Variants in DIS3L2 observed in about 807,000 individuals in gnomAD.
DIS3L2 encodes the protein DIS3 like 3'-5' exoribonuclease 2.
In DIS3L2, 34 loss-of-function variants were observed where a neutral mutation model predicts 97.5. The ratio of observed to expected loss-of-function variants is 0.35; its 90% CI spans 0.27 to 0.46. The LOEUF (loss-of-function observed/expected upper bound fraction) is 0.46. DIS3L2 is among the 20% of genes least tolerant of loss of function. The probability of loss-of-function intolerance (pLI) is 1.00; values close to 1 mark genes in which losing one functional copy is unlikely to be tolerated. For synonymous variants in DIS3L2, 435 were observed against 445.2 expected, an observed-to-expected ratio of 0.98 and a Z score of 0.29; for missense variants, 1,038 against 1,146.0, an observed-to-expected ratio of 0.91 and a Z score of 1.36.
At chr2:232,030,186 C>T (rs914726887) in intron 5 of DIS3L2, 106 bp downstream of exon 5, 11 of 898,156 alleles carry the variant, frequency 1.2e-5, no homozygotes, top group Admixed American at 5.3e-5. Context: ...ACCCCTTAGG[C>T]GCTGTGATAA....
At chr2:232,175,887 A>AATCTTTT (rs1299358272) in intron 9 of DIS3L2, among the ~76,000 whole-genome samples, 2 of 151,858 alleles carry the variant, frequency 1.3e-5, no homozygotes, top group South Asian at 4.2e-4. Context: ...ATCTTCCTAG[A>AATCTTTT]ATTTTTTATT....
chr2:232,093,004 A>C (rs1251409117), intron 6 of DIS3L2, among the ~76,000 whole-genome samples: 1 of 152,108 alleles, frequency 6.6e-6, no homozygotes, highest in African/African-American at 2.4e-5. Flanking sequence ...TTCCCCATTC[A>C]GTTTGATATT....
At chr2:232,005,975 G>A (rs1354638359) in intron 1 of DIS3L2, among the ~76,000 whole-genome samples, 1 of 152,186 alleles carries the variant, frequency 6.6e-6, no homozygotes, top group East Asian at 1.9e-4. Flanking sequence ...ATCACCTGAG[G>A]TCAGGAGTTC....
intron 6 of DIS3L2, among the ~76,000 whole-genome samples, chr2:232,089,882 G>A (rs139723883): frequency 4.8e-4 from 73 of 152,230 alleles, no homozygotes; most frequent in African/African-American, 1.5e-3. Flanking sequence ...AGAGTTTTGC[G>A]AAACTCTGAT....
chr2:232,093,067 G>T (rs1696895348), intron 6 of DIS3L2, among the ~76,000 whole-genome samples: 1 of 152,076 alleles, frequency 6.6e-6, no homozygotes, highest in South Asian at 2.1e-4. Flanking sequence ...TGTTCCTTCT[G>T]TACCCAGTTT....
At chr2:232,221,997 T>G (rs1574954953) in intron 10 of DIS3L2, among the ~76,000 whole-genome samples, 1 of 150,636 alleles carries the variant, frequency 6.6e-6, no homozygotes, top group South Asian at 2.2e-4. Flanking sequence ...GGCTGGAGTG[T>G]GGTGGTGTGA....
At chr2:231,966,933 C>G (rs914386117) in intron 1 of DIS3L2, among the ~76,000 whole-genome samples, 2 of 152,046 alleles carry the variant, frequency 1.3e-5, no homozygotes, top group African/African-American at 4.8e-5. Flanking sequence ...ATAGCAAGAA[C>G]TTGATGCCTT....
At position 232,292,092 on chromosome 2, in the gene DIS3L2, GC is replaced by G. The variant is rs1423921732; in HGVS notation, c.1660-7946del. Among the ~76,000 whole-genome samples, 1 of 152,108 alleles carries G rather than the reference GC, an allele frequency of 6.6e-6. No homozygotes were observed. Among genetic ancestry groups the G allele is most frequent in the Non-Finnish European group, 1.5e-5 (1 of 68,004 alleles). ...GCCCAGAGGGACCCCTGGCATGCTT[GC>G]CTAGCCACACTTTCCTGTCTTGTCT... On this transcript the variant is annotated intron_variant, in intron 13 of 20. Transcript: ENST00000325385. The surrounding 1 kb of genome is among the most constrained non-coding windows in gnomAD (Gnocchi z 4.4).
chr2:232,120,503 A>C (rs1355398358), intron 6 of DIS3L2, among the ~76,000 whole-genome samples: 1 of 152,184 alleles, frequency 6.6e-6, no homozygotes, highest in East Asian at 1.9e-4. Flanking sequence ...ACCACCTAAC[A>C]CAGTGCCAAG....
intron 1 of DIS3L2, among the ~76,000 whole-genome samples, chr2:231,969,602 C>T (rs760841241): frequency 3.3e-5 from 5 of 152,164 alleles, no homozygotes; most frequent in East Asian, 3.9e-4. Flanking sequence ...TGAACCACTG[C>T]GCCTGGCGTC....
chr2:232,026,265 G>A (rs1694653395), intron 4 of DIS3L2, among the ~76,000 whole-genome samples: 1 of 152,044 alleles, frequency 6.6e-6, no homozygotes, highest in Non-Finnish European at 1.5e-5. Context: ...TATATTCCAT[G>A]TAGGAATAGA....
intron 1 of DIS3L2, among the ~76,000 whole-genome samples, chr2:231,979,984 A>T (rs1042953661): frequency 6.6e-6 from 1 of 152,192 alleles, no homozygotes; most frequent in African/African-American, 2.4e-5. Flanking sequence ...CTTTTAAAAT[A>T]ATTTCCCTAA....
intron 4 of DIS3L2, among the ~76,000 whole-genome samples, chr2:232,027,361 AGGGCCTAATTGTTACC>A (rs1027475528): frequency 1.3e-5 from 2 of 152,184 alleles, no homozygotes; most frequent in Admixed American, 6.5e-5. Flanking sequence ...TGTCAGAACC[AGGGCCTAATTGTTACC>A]GGCTTAAGCT....
intron 1 of DIS3L2, among the ~76,000 whole-genome samples, chr2:232,007,430 G>A (rs1694083964): frequency 6.6e-6 from 1 of 152,174 alleles, no homozygotes; most frequent in Non-Finnish European, 1.5e-5. Flanking sequence ...CCACCTCTCA[G>A]GCTCAAGTGT....
At position 232,078,003 on chromosome 2, in the gene DIS3L2, TTCTTTCTTTCTTTCTTTTTCTC is replaced by T. The variant is rs1395495518; in HGVS notation, c.367-9482_367-9461del. ...TTTCTTTCTTTCTTTCTTTCTTTCT[TTCTTTCTTTCTTTCTTTTTCTC>T]TTTCTCTTTCTCTTTCTTTTTTTTT... On this transcript the variant is annotated intron_variant, in intron 5 of 20. Transcript: ENST00000325385. Among the ~76,000 whole-genome samples the T allele has an allele frequency of 4.5e-3, 632 of 140,414 alleles. 4 individuals carry two copies. The highest frequency in any genetic ancestry group is 0.025 in the East Asian group (104 of 4,124). 92.1% of individuals were successfully genotyped at this position (140,414 alleles called of 152,430 possible).
intron 9 of DIS3L2, among the ~76,000 whole-genome samples, chr2:232,193,497 C>T (rs1048434447): frequency 2.0e-5 from 3 of 152,120 alleles, no homozygotes. Flanking sequence ...AATATTGCCC[C>T]TTTATTTCTG....
chr2:232,223,874 G>T (rs1290129669), intron 10 of DIS3L2, among the ~76,000 whole-genome samples: 4 of 152,222 alleles, frequency 2.6e-5, no homozygotes, highest in Admixed American at 2.0e-4. Context: ...GATTGCTTGA[G>T]TCCAGGAATT....
intron 14 of DIS3L2, among the ~76,000 whole-genome samples, chr2:232,324,961 A>G (rs1575019700): frequency 6.6e-6 from 1 of 152,200 alleles, no homozygotes; most frequent in Non-Finnish European, 1.5e-5. Flanking sequence ...ACCACCTGCC[A>G]GACAGGACCT....
At chr2:232,246,029 G>T (rs578093791) in intron 11 of DIS3L2, among the ~76,000 whole-genome samples, 67 of 152,374 alleles carry the variant, frequency 4.4e-4, no homozygotes, top group African/African-American at 1.4e-3. Flanking sequence ...TGCATCAGGT[G>T]TAGAGAGAGA....
Sources: gnomAD v4.1 joint callset for allele counts (sites outside exome capture counted in the v4.1 genomes callset) on GRCh38, gnomAD v4.1.1 for gene constraint, Gnocchi (gnomAD v3.1) non-coding constraint, MANE v1.5 for transcripts, NCBI Gene and HGNC (gene_info 2026-07-23, HGNC 2026-07-21) for gene names.